The following TRAPPC9 variants were observed in gnomAD, a reference collection of about 807,000 sequenced individuals.
The protein encoded by TRAPPC9 is trafficking protein particle complex subunit 9, also known as IKK2 binding protein.
Under a neutral mutation model 124.0 loss-of-function variants are expected in TRAPPC9, and 83 were observed. That is an observed-to-expected ratio of 0.67 (90% CI 0.56 to 0.80). TRAPPC9 has a LOEUF of 0.80. TRAPPC9 is among the 30% of genes least tolerant of loss of function. The pLI is 0.00. For missense variants in TRAPPC9, 1,302 were observed against 1,508.3 expected, an observed-to-expected ratio of 0.86 and a Z score of 2.27; for synonymous variants, 638 against 617.5, an observed-to-expected ratio of 1.03 and a Z score of -0.49.
At chr8:140,427,074 C>T (rs979024473) in intron 4 of TRAPPC9, among the ~76,000 whole-genome samples, 4 of 149,798 alleles carry the variant, frequency 2.7e-5, no homozygotes, top group Admixed American at 6.8e-5. Flanking sequence ...TACAGGCGTG[C>T]GCCACCACGA....
intron 16 of TRAPPC9, among the ~76,000 whole-genome samples, chr8:140,243,313 G>A (rs1249648772): frequency 6.6e-6 from 1 of 152,188 alleles, no homozygotes; most frequent in Non-Finnish European, 1.5e-5. Flanking sequence ...CGAAACAGAT[G>A]GGAAAAACAA....
chr8:140,297,952 G>A (rs1224751147), intron 11 of TRAPPC9, among the ~76,000 whole-genome samples: 1 of 152,184 alleles, frequency 6.6e-6, no homozygotes, highest in Non-Finnish European at 1.5e-5. Context: ...GTACTAATGG[G>A]AACAGGACAC....
rs146357712 is a variant in TRAPPC9 at position 139,913,056 on chromosome 8, C to T, written c.2811-2756G>A. On this transcript the variant is annotated intron_variant, in intron 19 of 22. Transcript: ENST00000438773. ...TGTTGAACACAGAAAAGAGAAACAGCCAGCAGGCAGCTCCCTGGGTCAGAG... is the reference window on the plus strand; with the variant it reads ...TGTTGAACACAGAAAAGAGAAACAGTCAGCAGGCAGCTCCCTGGGTCAGAG... Among the ~76,000 whole-genome samples the T allele has an allele frequency of 9.2e-5, 14 of 152,328 alleles. No individual in the cohort carries two copies. The East Asian group carries it at 2.7e-3, about 29-fold the overall frequency.
In TRAPPC9 at chr8:139,759,857, C is replaced by A. The variant is rs367798002; in HGVS notation, c.3056-27655G>T. ...CAGATGTGGGGAGGGCCCAGGGCAG[C>A]GCAGCCTGCCGGCAGCCAGCACCAT... On this transcript the variant is annotated intron_variant, in intron 21 of 22. Coordinates refer to ENST00000438773, the MANE Select transcript of TRAPPC9 (RefSeq NM_001160372.4). Among the ~76,000 whole-genome samples the A allele has an allele frequency of 7.2e-5, 11 of 152,256 alleles. No homozygotes were observed. In the South Asian group the frequency reaches 2.1e-3, roughly 29 times the overall value.
rs182206283 is a variant in TRAPPC9, at chr8:140,386,786, T to C, written c.1134+10834A>G. On this transcript the variant is annotated intron_variant, in intron 7 of 22. Coordinates refer to ENST00000438773, the MANE Select transcript of TRAPPC9 (RefSeq NM_001160372.4). ...AATGCCATCCCCATCAAGCTACCAA[T>C]GACTTTCTTCACAGAATTGGAAAAA... Among the ~76,000 whole-genome samples, 333 of 152,296 alleles carry C rather than the reference T, an allele frequency of 2.2e-3. 1 individual carries two copies. Among genetic ancestry groups the C allele is most frequent in the African/African-American group, 7.5e-3 (312 of 41,554 alleles).
intron 19 of TRAPPC9, among the ~76,000 whole-genome samples, chr8:139,964,503 T>C (rs1835570525): frequency 6.6e-6 from 1 of 152,192 alleles, no homozygotes; most frequent in South Asian, 2.1e-4. Flanking sequence ...GAGGCTCTTC[T>C]ACCAGGCACT....
chr8:139,885,446 A>C (rs1439519845), intron 21 of TRAPPC9, among the ~76,000 whole-genome samples: 1 of 152,174 alleles, frequency 6.6e-6, no homozygotes, highest in Non-Finnish European at 1.5e-5. Context: ...GGGTGAACGC[A>C]AGGGGTTCAC....
At chr8:139,903,470 C>G (rs1445156824) in intron 20 of TRAPPC9, among the ~76,000 whole-genome samples, 2 of 152,150 alleles carry the variant, frequency 1.3e-5, no homozygotes, top group African/African-American at 4.8e-5. Context: ...AAGCCTTGCA[C>G]CAATCCCTGA....
At chr8:139,913,710 C>A (rs1374474681) in intron 19 of TRAPPC9, among the ~76,000 whole-genome samples, 1 of 152,220 alleles carries the variant, frequency 6.6e-6, no homozygotes, top group Non-Finnish European at 1.5e-5. Flanking sequence ...CCTTTTCCTG[C>A]AGTGACAAAA....
chr8:140,275,561 A>C (rs1376651204), intron 15 of TRAPPC9, 97 bp downstream of exon 15: 4 of 1,377,586 alleles, frequency 2.9e-6, no homozygotes, highest in South Asian at 2.4e-5. Flanking sequence ...TCCACAAAGA[A>C]GTTTTTAGAT....
At chr8:139,998,638 T>C (rs2665937) in intron 18 of TRAPPC9, among the ~76,000 whole-genome samples, 139,996 of 152,282 alleles carry the variant, frequency 0.92, 64,527 homozygotes, top group Middle Eastern at 0.99. Context: ...AGGAGAATGG[T>C]GTGAAACCAG....
At chr8:140,012,056 C>T (rs1350188324) in intron 18 of TRAPPC9, among the ~76,000 whole-genome samples, 2 of 152,074 alleles carry the variant, frequency 1.3e-5, no homozygotes, top group African/African-American at 4.8e-5. Flanking sequence ...ATGATCTGCC[C>T]GCCTTGGCCT....
At chr8:140,080,278 T>C (rs566687273) in intron 17 of TRAPPC9, among the ~76,000 whole-genome samples, 20 of 152,342 alleles carry the variant, frequency 1.3e-4, no homozygotes, top group Admixed American at 6.5e-4. Context: ...TTTCTTTCAC[T>C]TGTGATGCAC....
intron 7 of TRAPPC9, among the ~76,000 whole-genome samples, chr8:140,384,282 T>C (rs2068695096): frequency 6.6e-6 from 1 of 151,712 alleles, no homozygotes; most frequent in Non-Finnish European, 1.5e-5. Context: ...GCTAACATCA[T>C]AATGACAGTA....
At position 140,353,506 on chromosome 8, in the gene TRAPPC9, C is replaced by G. The variant is rs139638749; in HGVS notation, c.1495+6544G>C. 4.2e-4 allele frequency among the ~76,000 whole-genome samples: 64 copies of G among 152,320 alleles called. No individual in the cohort carries two copies. Among genetic ancestry groups the G allele is most frequent in the African/African-American group, 1.5e-3 (62 of 41,558 alleles). ...GATCCCAGTCCCTGAAACAGTTTAC[C>G]TAACTAGTTTTTCCCCGTGTTCCCT... On this transcript the variant is annotated intron_variant, in intron 9 of 22. Coordinates refer to ENST00000438773, the MANE Select transcript of TRAPPC9 (RefSeq NM_001160372.4). The surrounding 1 kb of genome is among the most constrained non-coding windows in gnomAD (Gnocchi z 4.2).
intron 17 of TRAPPC9, among the ~76,000 whole-genome samples, chr8:140,050,844 T>TG (rs1419070936): frequency 1.3e-5 from 2 of 151,926 alleles, no homozygotes; most frequent in Admixed American, 1.3e-4. Context: ...GCACACACAC[T>TG]GGGGGGCCAC....
At chr8:140,340,855 C>A (rs982639648) in intron 9 of TRAPPC9, among the ~76,000 whole-genome samples, 5 of 152,212 alleles carry the variant, frequency 3.3e-5, no homozygotes, top group African/African-American at 1.2e-4. Flanking sequence ...AACTGTGAGA[C>A]TCTTTAAGAG....
chr8:140,126,719 G>T lies in TRAPPC9; in HGVS notation c.2556+94740C>A, dbSNP rs535526904. On this transcript the variant is annotated intron_variant, in intron 17 of 22. Coordinates refer to ENST00000438773, the MANE Select transcript of TRAPPC9 (RefSeq NM_001160372.4). ...AAGTAGCGAGAAGTAGCTCAGTCTG[G>T]CTAACTTTACCAAATCTCATCTCCA... Among the ~76,000 whole-genome samples the T allele has an allele frequency of 3.3e-5, 5 of 152,300 alleles. No homozygotes were observed. The East Asian group carries it at 9.6e-4, about 29-fold the overall frequency.
At chr8:140,051,595 T>TG (rs1275366918) in intron 17 of TRAPPC9, among the ~76,000 whole-genome samples, 2 of 150,894 alleles carry the variant, frequency 1.3e-5, no homozygotes, top group African/African-American at 4.9e-5. Flanking sequence ...TTTTTTTTTT[T>TG]TTTTGCCTTT....
Sources: gnomAD v4.1 joint callset for allele counts (sites outside exome capture counted in the v4.1 genomes callset) on GRCh38, gnomAD v4.1.1 for gene constraint, Gnocchi (gnomAD v3.1) non-coding constraint, MANE v1.5 for transcripts, NCBI Gene and HGNC (gene_info 2026-07-23, HGNC 2026-07-21) for gene names.